Variants in CASD1 observed in about 807,000 individuals in gnomAD.
CASD1 encodes the protein CAS1 domain sialic acid O acetyltransferase 1, also known as N-acetylneuraminate (7)9-O-acetyltransferase.
Under a neutral mutation model 100.0 loss-of-function variants are expected in CASD1, and 41 were observed. The observed-to-expected ratio is 0.41, with a 90% CI of 0.32 to 0.53. CASD1 has a LOEUF of 0.53. CASD1 is among the 20% of genes least tolerant of loss of function. The pLI, the probability that CASD1 is intolerant of heterozygous loss-of-function variation, is 0.25. For synonymous variants in CASD1, 321 were observed against 315.6 expected, an observed-to-expected ratio of 1.02 and a Z score of -0.18; for missense variants, 774 against 948.7, an observed-to-expected ratio of 0.82 and a Z score of 2.42.
chr7:94,535,541 A>G lies in CASD1; in HGVS notation c.843+18A>G, dbSNP rs1029932822. ...GAGAAACTGTGAGAAATTTTTACAT[A>G]TGTCAGTAGATGGAGACTATAATAT... On this transcript the variant is annotated intron_variant, in intron 8 of 17. Coordinates refer to ENST00000297273, the MANE Select transcript of CASD1 (RefSeq NM_022900.5). 1.3e-6 allele frequency: 2 copies of G among 1,505,030 alleles called. No individual in the cohort carries two copies. The highest frequency in any genetic ancestry group is 1.8e-6 in the Non-Finnish European group (2 of 1,081,624). The allele number at this position is 1,505,030 out of a possible 1,614,324, so 93.2% of individuals were successfully genotyped here.
the CASD1 span, among the ~76,000 whole-genome samples, chr7:94,577,784 C>G: frequency 1.3e-5 from 2 of 152,118 alleles, no homozygotes; most frequent in Admixed American, 6.5e-5. Context: ...AAAAATACCC[C>G]AGGGAAAATG....
At chr7:94,552,591 T>C (rs974256501) in intron 16 of CASD1, among the ~76,000 whole-genome samples, 164 bp downstream of exon 16, 2 of 152,186 alleles carry the variant, frequency 1.3e-5, no homozygotes, top group African/African-American at 2.4e-5. Context: ...AAAATCTCTT[T>C]CAAAGGGTTC....
intron 9 of CASD1, 101 bp downstream of exon 9, chr7:94,537,995 A>C (rs891603414): frequency 2.9e-6 from 2 of 695,702 alleles, no homozygotes; most frequent in African/African-American, 3.6e-5. Flanking sequence ...ATACACAAAC[A>C]GGTATAGAGA....
At chr7:94,588,846 T>G in the CASD1 span, 3 of 1,111,200 alleles carry the variant, frequency 2.7e-6, no homozygotes, top group Non-Finnish European at 4.1e-6. Flanking sequence ...AGTCATGTAA[T>G]CCAGCACAAT....
chr7:94,587,274 C>T, the CASD1 span: 2 of 987,720 alleles, frequency 2.0e-6, no homozygotes, highest in Non-Finnish European at 2.4e-6. Flanking sequence ...AAACAAATTG[C>T]CCTAATATCA....
chr7:94,610,043 C>T, the CASD1 span, among the ~76,000 whole-genome samples: 2 of 152,014 alleles, frequency 1.3e-5, no homozygotes, highest in East Asian at 3.9e-4. Flanking sequence ...AATAAGCTAT[C>T]GAGCCATGAA....
Position 94,537,544 on chromosome 7 carries a change from C to T in CASD1, c.916C>T (p.Arg306Trp), listed in dbSNP as rs758075203. ...TGTAGATGGGTCCTGTTGTCAACCTCGGCCTCCTGTTACTCTCATACAGAA... is the reference window on the plus strand; with the variant it reads ...TGTAGATGGGTCCTGTTGTCAACCTTGGCCTCCTGTTACTCTCATACAGAA... ...KPVDGSCCQP[R>W]PPVTLIQKLA... The change falls in exon 9 of 18, where the codon CGG (arginine) becomes TGG (tryptophan). Residue 306 changes from arginine to tryptophan, a missense_variant. By Grantham distance (101) the Arg-to-Trp change is moderately radical. Coordinates refer to ENST00000297273, the MANE Select transcript of CASD1 (RefSeq NM_022900.5). The T allele has an allele frequency of 2.5e-6, 4 of 1,613,904 alleles. No individual in the cohort carries two copies. Among genetic ancestry groups the T allele is most frequent in the Middle Eastern group, 1.6e-4 (1 of 6,062 alleles).
At chr7:94,629,967 A>G in the CASD1 span, 1 of 1,049,266 alleles carries the variant, frequency 9.5e-7, no homozygotes, top group Non-Finnish European at 1.4e-6. Flanking sequence ...AACTGAAGCA[A>G]CATGCAAGGA....
intron 3 of CASD1, among the ~76,000 whole-genome samples, chr7:94,526,934 A>G (rs1016904042): frequency 6.6e-6 from 1 of 152,214 alleles, no homozygotes; most frequent in Non-Finnish European, 1.5e-5. Context: ...TTTTTGAACT[A>G]TATCTTAGAT....
chr7:94,625,345 G>T, the CASD1 span: 1 of 151,888 alleles, frequency 6.6e-6, no homozygotes, highest in African/African-American at 2.4e-5. Flanking sequence ...TTATATGAAA[G>T]ATATGGTAAA....
At chr7:94,608,625 AAGG>A in the CASD1 span, among the ~76,000 whole-genome samples, 1 of 152,234 alleles carries the variant, frequency 6.6e-6, no homozygotes, top group African/African-American at 2.4e-5. Context: ...AACAATATTG[AAGG>A]AGAAGAACAA....
In CASD1 at chr7:94,545,718, A is replaced by G. The variant is rs374287682; in HGVS notation, c.1633+17A>G. 31 of 1,511,518 alleles carry G rather than the reference A, an allele frequency of 2.1e-5. No individual in the cohort carries two copies. Among genetic ancestry groups the G allele is most frequent in the Non-Finnish European group, 2.7e-5 (30 of 1,110,580 alleles). 93.6% of individuals were successfully genotyped at this position (1,511,518 alleles called of 1,614,324 possible). Reference sequence around the variant, plus strand: ...AAGCAAACGGTAAATATACTTTCTTACTAATGTTAGTAAATATATTTTTTC... The same window carrying G: ...AAGCAAACGGTAAATATACTTTCTTGCTAATGTTAGTAAATATATTTTTTC... On this transcript the variant is annotated intron_variant, in intron 12 of 17. Coordinates refer to ENST00000297273, the MANE Select transcript of CASD1 (RefSeq NM_022900.5).
chr7:94,516,928 G>T (rs1243128264), intron 1 of CASD1, among the ~76,000 whole-genome samples: 1 of 150,556 alleles, frequency 6.6e-6, no homozygotes, highest in Non-Finnish European at 1.5e-5. Flanking sequence ...AAATGAGGCA[G>T]AGTCTAGCTC....
At chr7:94,512,661 A>T (rs1445162284) in intron 1 of CASD1, among the ~76,000 whole-genome samples, 1 of 152,222 alleles carries the variant, frequency 6.6e-6, no homozygotes, top group Admixed American at 6.5e-5. Flanking sequence ...CCATTCTATG[A>T]GGTAGATACA....
the CASD1 span, among the ~76,000 whole-genome samples, chr7:94,582,885 T>C: frequency 2.0e-5 from 3 of 152,168 alleles, no homozygotes; most frequent in South Asian, 4.1e-4. Context: ...CTTAGAACAC[T>C]CTCTGACTTA....
At chr7:94,520,483 A>C (rs1199219253) in intron 3 of CASD1, among the ~76,000 whole-genome samples, 1 of 152,208 alleles carries the variant, frequency 6.6e-6, no homozygotes, top group East Asian at 1.9e-4. Flanking sequence ...GGTCAAATAA[A>C]TTTGGGCAGA....
intron 3 of CASD1, among the ~76,000 whole-genome samples, chr7:94,520,830 G>C (rs1035102490): frequency 1.5e-4 from 23 of 152,038 alleles, no homozygotes; most frequent in Admixed American, 7.9e-4. Flanking sequence ...GGTGGCTCGT[G>C]CCTGTAATCC....
Position 94,535,481 on chromosome 7 carries a change from A to C in CASD1, c.801A>C (p.Glu267Asp), listed in dbSNP as rs1180972300. ...SKLIAQETIM[E>D]SLDGLHLPES... ...TAATTGCTCAAGAAACCATCATGGA[A>C]TCTTTGGATGGCTTACATCTTCCTG... Residue 267 changes from glutamate to aspartate, a missense_variant, in exon 8 of 18, where the codon GAA becomes GAC. This residue lies in a region of CASD1 where 453 missense variants were observed against 532.6 expected (regional missense o/e 0.85). Transcript: ENST00000297273. The C allele has an allele frequency of 6.2e-7, 1 of 1,613,608 alleles. No individual in the cohort carries two copies. The highest frequency in any genetic ancestry group is 1.7e-5 in the Admixed American group (1 of 59,982).
chr7:94,532,856 AT>A (rs1794918311), intron 5 of CASD1, among the ~76,000 whole-genome samples: 3 of 152,222 alleles, frequency 2.0e-5, no homozygotes, highest in Admixed American at 2.0e-4. Context: ...TTACCTTTTA[AT>A]TGACTGACAT....
Sources: gnomAD v4.1 joint callset for allele counts (sites outside exome capture counted in the v4.1 genomes callset) on GRCh38, gnomAD v4.1.1 for gene constraint, gnomAD v4.1.1 regional missense constraint, MANE v1.5 for transcripts, NCBI Gene and HGNC (gene_info 2026-07-23, HGNC 2026-07-21) for gene names.